RGS20: variants seen among roughly 807,000 people sequenced by gnomAD.
The protein encoded by RGS20 is gz-selective GTPase-activating protein.
Under a neutral mutation model 33.6 loss-of-function variants are expected in RGS20, and 30 were observed. The ratio of observed to expected loss-of-function variants is 0.89; its 90% CI spans 0.67 to 1.21. The LOEUF (loss-of-function observed/expected upper bound fraction) is 1.21, where lower values mean the gene tolerates loss of function less well. RGS20 is among the 50% of genes most tolerant of loss of function. The pLI is 0.00. For missense variants in RGS20, 472 were observed against 502.4 expected (o/e 0.94, Z 0.58); for synonymous variants, 208 against 197.9 (o/e 1.05, Z -0.43).
chr8:53,887,412 G>T (rs1304726282), intron 2 of RGS20, among the ~76,000 whole-genome samples: 1 of 152,126 alleles, frequency 6.6e-6, no homozygotes, highest in African/African-American at 2.4e-5. Flanking sequence ...ACATTTTTCT[G>T]TTGTATCCAA....
At chr8:53,856,848 GAGCAGCTGATCAA>G (rs1811685628) in intron 1 of RGS20, among the ~76,000 whole-genome samples, 1 of 152,108 alleles carries the variant, frequency 6.6e-6, no homozygotes, top group Non-Finnish European at 1.5e-5. Context: ...GTGATCCCTT[GAGCAGCTGATCAA>G]AGCACTTATT....
At position 53,939,627 on chromosome 8, in the gene RGS20, C is replaced by T. The variant is rs1187841654; in HGVS notation, c.562C>T (p.Gln188Ter). Residue 188 changes from glutamine (Q) to a stop codon, truncating the protein, a stop_gained, in exon 3 of 6, where the codon CAG becomes TAG. Transcript: ENST00000297313. LOFTEE classifies it high-confidence loss of function. ...GCGGAAGCGGCAGATGCCCGCCGCC[C>T]AGGACACACCAGGCGCCGCCCCAGG... The T allele has an allele frequency of 6.2e-7, 1 of 1,604,782 alleles. No individual in the cohort carries two copies. Among genetic ancestry groups the T allele is most frequent in the Non-Finnish European group, 8.5e-7 (1 of 1,176,586 alleles).
chr8:53,933,423 A>G (rs965641472), intron 2 of RGS20, among the ~76,000 whole-genome samples: 8 of 152,222 alleles, frequency 5.3e-5, no homozygotes, highest in Admixed American at 1.3e-4. Context: ...AAATGACCTG[A>G]TGTAGCTGAA....
chr8:53,936,971 C>A (rs1476241480), intron 2 of RGS20, among the ~76,000 whole-genome samples: 1 of 152,068 alleles, frequency 6.6e-6, no homozygotes, highest in African/African-American at 2.4e-5. Flanking sequence ...CTTTGACAAA[C>A]CTGACAAAAA....
Position 53,882,041 on chromosome 8 carries a change from G to A in RGS20, c.510+2439G>A, listed in dbSNP as rs182476104. ...ACGGGCCAGGGGCCTCTAGGGAAGC[G>A]GCGCTCCGGGACCGGGGTGGCTTTC... On this transcript the variant is annotated intron_variant, in intron 2 of 5. Coordinates refer to ENST00000297313, the MANE Select transcript of RGS20 (RefSeq NM_170587.4). Among the ~76,000 whole-genome samples the A allele has an allele frequency of 7.4e-4, 112 of 152,000 alleles. 2 individuals carry two copies. The East Asian group carries it at 0.018, about 24-fold the overall frequency.
chr8:53,881,478 CT>C (rs1183037016), intron 2 of RGS20, among the ~76,000 whole-genome samples: 1 of 152,106 alleles, frequency 6.6e-6, no homozygotes, highest in Non-Finnish European at 1.5e-5. Context: ...GAAGCGTCGG[CT>C]TTCTCACGGG....
At position 53,958,206 on chromosome 8, in the gene RGS20, A is replaced by T. The variant is rs75740158; in HGVS notation, c.979-64A>T. 246 of 1,172,902 alleles carry T rather than the reference A, an allele frequency of 2.1e-4. 1 individual carries two copies. The East Asian group carries it at 4.7e-3, about 22-fold the overall frequency. The allele number at this position is 1,172,902 out of a possible 1,614,324, so 72.7% of individuals were successfully genotyped here. A position where few individuals can be genotyped will look rare whatever the true frequency, so the allele number is the denominator to read the frequency against. On this transcript the variant is annotated intron_variant, in intron 5 of 5. Transcript: ENST00000297313. ...AACAACAAAAATCCCCACAAGCTCT[A>T]GGAGTTTGGGATAGAGATACAACTG...
chr8:53,940,449 T>C (rs1316517489), intron 3 of RGS20, among the ~76,000 whole-genome samples: 1 of 152,206 alleles, frequency 6.6e-6, no homozygotes, highest in Non-Finnish European at 1.5e-5. Context: ...AATCAAATCA[T>C]CCTAAATTTA....
chr8:53,948,017 T>C (rs1814572458), intron 4 of RGS20, among the ~76,000 whole-genome samples: 1 of 135,944 alleles, frequency 7.4e-6, no homozygotes, highest in African/African-American at 2.7e-5. Context: ...TATATGATAG[T>C]ATATATACTA....
At chr8:53,954,053 C>T (rs369911083) in intron 4 of RGS20, 23 bp from the exon 4 acceptor site, 13 of 1,527,936 alleles carry the variant, frequency 8.5e-6, no homozygotes, top group Non-Finnish European at 1.2e-5. Context: ...CCTTTTGCCC[C>T]CTCTCTTTTG....
intron 1 of RGS20, among the ~76,000 whole-genome samples, chr8:53,855,665 G>A (rs1205879946): frequency 6.6e-6 from 1 of 152,180 alleles, no homozygotes; most frequent in East Asian, 1.9e-4. Context: ...CTTCAGTTAT[G>A]CAGTCTCTAT....
chr8:53,935,834 A>G (rs1050924364), intron 2 of RGS20, among the ~76,000 whole-genome samples: 4 of 152,234 alleles, frequency 2.6e-5, no homozygotes, highest in African/African-American at 9.6e-5. Flanking sequence ...ATGAACATCA[A>G]TGCGAACATC....
chr8:53,881,149 G>A, intron 2 of RGS20, 65 bp downstream of exon 1: 3 of 1,261,406 alleles, frequency 2.4e-6, no homozygotes, highest in Non-Finnish European at 2.1e-6. Context: ...CTTCGTGCTG[G>A]AAAGTGGCCG....
intron 1 of RGS20, among the ~76,000 whole-genome samples, chr8:53,853,618 G>A (rs922135040): frequency 6.6e-5 from 10 of 152,186 alleles, no homozygotes; most frequent in African/African-American, 2.4e-4. Context: ...TCTAGCAAAT[G>A]TAAGGATGGA....
intron 2 of RGS20, among the ~76,000 whole-genome samples, chr8:53,908,291 T>C (rs748925301): frequency 1.3e-5 from 2 of 151,984 alleles, no homozygotes; most frequent in Non-Finnish European, 2.9e-5. Flanking sequence ...AATAAAGCAA[T>C]AGATAATGGA....
chr8:53,932,847 G>T (rs1233649279), intron 2 of RGS20, among the ~76,000 whole-genome samples: 1 of 152,184 alleles, frequency 6.6e-6, no homozygotes, highest in Non-Finnish European at 1.5e-5. Context: ...CCCAGCAGGG[G>T]TCGACAGACA....
intron 2 of RGS20, among the ~76,000 whole-genome samples, chr8:53,898,504 T>A (rs2129279799): frequency 6.6e-6 from 1 of 152,332 alleles, no homozygotes; most frequent in Non-Finnish European, 1.5e-5. Flanking sequence ...AGTGTGGATT[T>A]GTGGAGGATT....
At chr8:53,874,367 GGT>G (rs138636662) in intron 1 of RGS20, among the ~76,000 whole-genome samples, 13,149 of 146,114 alleles carry the variant, frequency 0.09, 722 homozygotes, top group African/African-American at 0.17. Context: ...AGCAATAAGG[GGT>G]GTGTGTGTGT....
At position 53,896,795 on chromosome 8, in the gene RGS20, T is replaced by C. The variant is rs1209840058; in HGVS notation, c.510+17193T>C. 2.0e-5 allele frequency among the ~76,000 whole-genome samples: 3 copies of C among 152,212 alleles called. No homozygotes were observed. The East Asian group carries it at 5.8e-4, about 29-fold the overall frequency. ...AATTAACAAGCCCCAAAAGGACTAA[T>C]GAAGAAGGACCACAGGGAAATAATA... On this transcript the variant is annotated intron_variant, in intron 2 of 5. Coordinates refer to ENST00000297313, the MANE Select transcript of RGS20 (RefSeq NM_170587.4).
Sources: gnomAD v4.1 joint callset for allele counts (sites outside exome capture counted in the v4.1 genomes callset) on GRCh38, gnomAD v4.1.1 for gene constraint, MANE v1.5 for transcripts, NCBI Gene and HGNC (gene_info 2026-07-23, HGNC 2026-07-21) for gene names.